Variants in ELOVL5 observed in about 807,000 individuals in gnomAD.
ELOVL5 encodes very long chain fatty acid elongase 5.
In ELOVL5, 8 loss-of-function variants were observed where a neutral mutation model predicts 38.6. The observed-to-expected ratio is 0.21, with a 90% CI of 0.12 to 0.37. ELOVL5 has a LOEUF of 0.37. ELOVL5 is among the 10% of genes least tolerant of loss of function. The pLI is 1.00. For synonymous variants in ELOVL5, 127 were observed against 133.7 expected (o/e 0.95, Z 0.34); for missense variants, 280 against 367.8 (o/e 0.76, Z 1.95).
Position 53,291,982 on chromosome 6 carries a change from T to C in ELOVL5, c.59-19A>G. The C allele has an allele frequency of 2.1e-6, 3 of 1,410,960 alleles. No homozygotes were observed. The highest frequency in any genetic ancestry group is 2.9e-6 in the Non-Finnish European group (3 of 1,046,366). 87.4% of individuals were successfully genotyped at this position (1,410,960 alleles called of 1,614,324 possible). A position where few individuals can be genotyped will look rare whatever the true frequency, so the allele number is the denominator to read the frequency against. ...CTAGTATCTGAAAAATTAAAAAAAA[T>C]TAATGATATATAAAAACATTCACAA... On this transcript the variant is annotated intron_variant, in intron 2 of 7. Coordinates refer to ENST00000304434, the MANE Select transcript of ELOVL5 (RefSeq NM_021814.5).
rs538841255 is a variant in ELOVL5, at chr6:53,332,170, G to A, written c.-9+16647C>T. ...AAATTTTCACATGAGATTTGGAGGG[G>A]ACAAACACCCAAACTACATCAATAA... On this transcript the variant is annotated intron_variant, in intron 1 of 7. Transcript: ENST00000304434. 5.3e-5 allele frequency among the ~76,000 whole-genome samples: 8 copies of A among 152,266 alleles called. No homozygotes were observed. In the East Asian group the frequency reaches 1.5e-3, roughly 29 times the overall value.
intron 3 of ELOVL5, among the ~76,000 whole-genome samples, chr6:53,278,614 T>C (rs537627826): frequency 6.6e-5 from 10 of 152,280 alleles, no homozygotes; most frequent in Admixed American, 5.2e-4. Flanking sequence ...AACCTCAGTA[T>C]TGGGTGGTGA....
chr6:53,317,821 G>C (rs765876469), intron 1 of ELOVL5, among the ~76,000 whole-genome samples: 2 of 127,778 alleles, frequency 1.6e-5, no homozygotes, highest in Non-Finnish European at 3.3e-5. Flanking sequence ...AAAAAGATGA[G>C]AACAAAAAAA....
At position 53,291,945 on chromosome 6, in the gene ELOVL5, C is replaced by A; in HGVS notation, c.77G>T (p.Trp26Leu). The A allele has an allele frequency of 2.6e-6, 4 of 1,562,960 alleles. No individual in the cohort carries two copies. The highest frequency in any genetic ancestry group is 1.2e-5 in the South Asian group (1 of 82,954). ...GGGTATATAATTGTCCAGAAGAAAC[C>A]ATCCTTTTACTCTAGTATCTGAAAA... ...LGPRDTRVKGWFLLDNYIPTF... is the reference protein window; with the variant it reads ...LGPRDTRVKGLFLLDNYIPTF... The change falls in exon 3 of 8, where the codon TGG becomes TTG. Residue 26 changes from tryptophan to leucine, a missense_variant. Trp to Leu is a moderately conservative substitution (Grantham distance 61). Transcript: ENST00000304434.
At chr6:53,269,569 T>C (rs1765850494) in intron 7 of ELOVL5, among the ~76,000 whole-genome samples, 1 of 152,210 alleles carries the variant, frequency 6.6e-6, no homozygotes, top group African/African-American at 2.4e-5. Context: ...TTTTAGTATC[T>C]GGATGGCAGA....
At chr6:53,315,621 T>C (rs1387804165) in intron 1 of ELOVL5, among the ~76,000 whole-genome samples, 2 of 152,224 alleles carry the variant, frequency 1.3e-5, no homozygotes, top group African/African-American at 2.4e-5. Flanking sequence ...AGAAATGTTA[T>C]ATTAGTTGTT....
chr6:53,274,669 T>C lies in ELOVL5; in HGVS notation c.496+421A>G, dbSNP rs145204609. ...AGGGAATATGAGGGTTGTTAGAACA[T>C]GTGGAGACTTCCTAATGCATGACAG... On this transcript the variant is annotated intron_variant, in intron 5 of 7. Coordinates refer to ENST00000304434, the MANE Select transcript of ELOVL5 (RefSeq NM_021814.5). 1.2e-4 allele frequency among the ~76,000 whole-genome samples: 18 copies of C among 152,322 alleles called. No individual in the cohort carries two copies. The East Asian group carries it at 3.5e-3, about 29-fold the overall frequency.
At chr6:53,323,252 G>A (rs1013149186) in intron 1 of ELOVL5, among the ~76,000 whole-genome samples, 1 of 152,166 alleles carries the variant, frequency 6.6e-6, no homozygotes, top group East Asian at 1.9e-4. Context: ...TTTAGGTGAG[G>A]AACAGTTTAT....
At position 53,275,097 on chromosome 6, in the gene ELOVL5, G is replaced by A. The variant is rs757439713; in HGVS notation, c.489C>T (p.Cys163=). 1.5e-5 allele frequency: 24 copies of A among 1,613,576 alleles called. No homozygotes were observed. The highest frequency in any genetic ancestry group is 3.3e-5 in the Admixed American group (2 of 59,980). ...CCCGTCTCTAATACTTACAGTGGCCGCAGGGGACCCAGTTCATCACAAACC... is the reference window on the plus strand; with the variant it reads ...CCCGTCTCTAATACTTACAGTGGCCACAGGGGACCCAGTTCATCACAAACC... ...IWWFVMNWVP[C]GHSYFGATLN... is the part of the protein sequence containing the mutation. Residue 163 remains cysteine, a synonymous_variant, in exon 5 of 8, where the codon TGC becomes TGT. Transcript: ENST00000304434.
chr6:53,280,838 G>C (rs1048655217), intron 3 of ELOVL5, among the ~76,000 whole-genome samples: 3 of 152,240 alleles, frequency 2.0e-5, no homozygotes, highest in Middle Eastern at 3.4e-3. Context: ...CCAGTGATCT[G>C]CTTGCCTTGG....
chr6:53,296,557 T>G (rs1207898266), intron 1 of ELOVL5, among the ~76,000 whole-genome samples: 2 of 152,216 alleles, frequency 1.3e-5, no homozygotes, highest in East Asian at 3.8e-4. Flanking sequence ...ATATTCTTAC[T>G]GTGGGGATCA....
intron 1 of ELOVL5, among the ~76,000 whole-genome samples, chr6:53,344,253 G>A (rs1769447442): frequency 6.6e-6 from 1 of 152,130 alleles, no homozygotes; most frequent in African/African-American, 2.4e-5. Context: ...TCTTCTCTTT[G>A]GAAGAGTATC....
intron 1 of ELOVL5, among the ~76,000 whole-genome samples, chr6:53,344,464 A>G (rs1020717835): frequency 6.6e-6 from 1 of 152,130 alleles, no homozygotes; most frequent in South Asian, 2.1e-4. Flanking sequence ...CAGCACTCAT[A>G]ATGTCCTCAT....
chr6:53,278,203 G>C (rs964087243), intron 3 of ELOVL5, among the ~76,000 whole-genome samples: 3 of 152,188 alleles, frequency 2.0e-5, no homozygotes, highest in Non-Finnish European at 2.9e-5. Context: ...ATGGTGTCCA[G>C]AGACATCCTG....
chr6:53,295,071 C>G (rs1466672520), intron 2 of ELOVL5, among the ~76,000 whole-genome samples: 1 of 152,166 alleles, frequency 6.6e-6, no homozygotes, highest in African/African-American at 2.4e-5. Flanking sequence ...AACTGAGATT[C>G]TTTTTGTCTG....
intron 1 of ELOVL5, among the ~76,000 whole-genome samples, chr6:53,344,974 G>A (rs1346978167): frequency 2.0e-5 from 3 of 152,150 alleles, no homozygotes; most frequent in Non-Finnish European, 2.9e-5. Context: ...TAAAACAGAC[G>A]CTGTAGCTGA....
At chr6:53,295,157 T>C (rs1766942809) in intron 2 of ELOVL5, among the ~76,000 whole-genome samples, 1 of 152,154 alleles carries the variant, frequency 6.6e-6, no homozygotes. Flanking sequence ...CTTTTACAGA[T>C]GACATCAAAA....
chr6:53,316,488 G>C (rs1376294587), intron 1 of ELOVL5, among the ~76,000 whole-genome samples: 2 of 152,104 alleles, frequency 1.3e-5, no homozygotes, highest in Non-Finnish European at 2.9e-5. Flanking sequence ...TGTTGGAGAA[G>C]GAGGTAAGAG....
Position 53,348,834 on chromosome 6 carries a change from G to T in ELOVL5, c.-26C>A, listed in dbSNP as rs562230252. ...GGCTTTACCTTTTAGCCCAAGGGGC[G>T]GCAGCAGCTTTGAGCAGCAGCAAGG... is the stretch of plus-strand genomic sequence containing the variant. On this transcript the variant is annotated 5_prime_UTR_variant, in exon 1 of 8. Transcript: ENST00000304434. 4 of 457,884 alleles carry T rather than the reference G, an allele frequency of 8.7e-6. No homozygotes were observed. Among genetic ancestry groups the T allele is most frequent in the African/African-American group, 2.0e-5 (1 of 50,028 alleles). The allele number at this position is 457,884 out of a possible 1,614,324, so 28.4% of individuals were successfully genotyped here.
Sources: allele counts gnomAD v4.1 joint callset (sites outside exome capture counted in the v4.1 genomes callset), GRCh38; gene constraint gnomAD v4.1.1; transcripts MANE v1.5; gene names NCBI Gene and HGNC (gene_info 2026-07-23, HGNC 2026-07-21).